Variants in PATJ observed in about 807,000 individuals in gnomAD.
The protein encoded by PATJ is inaD-like protein.
A neutral mutation model predicts 224.9 loss-of-function variants in PATJ; 190 were observed. The observed-to-expected ratio is 0.84, with a 90% CI of 0.75 to 0.95. The LOEUF is 0.95. Among genes scored for constraint, PATJ ranks in the 40% least tolerant of loss-of-function variants. The probability of loss-of-function intolerance (pLI) is 0.00; values close to 1 mark genes in which losing one functional copy is unlikely to be tolerated. For missense variants in PATJ, 2,121 were observed against 2,270.3 expected (o/e 0.93, Z 1.34); for synonymous variants, 769 against 820.3 (o/e 0.94, Z 1.07).
At chr1:62,043,653 A>G (rs758228793) in intron 30 of PATJ, among the ~76,000 whole-genome samples, 67 of 152,232 alleles carry the variant, frequency 4.4e-4, no homozygotes, top group Admixed American at 1.7e-3. Context: ...TTTTCCTTTT[A>G]AAAACTAAAT....
chr1:61,859,872 G>A (rs35722784), intron 18 of PATJ, among the ~76,000 whole-genome samples: 11,811 of 151,858 alleles, frequency 0.078, 548 homozygotes, highest in South Asian at 0.14. Context: ...CACCCGCCTC[G>A]GCCTCCCAAA....
chr1:61,808,682 A>G (rs1022853300), intron 14 of PATJ, 152 bp downstream of exon 14: 43 of 545,626 alleles, frequency 7.9e-5, no homozygotes, highest in Non-Finnish European at 9.8e-6. Flanking sequence ...GAGCCACTGA[A>G]CTCGGCCCAT....
Position 61,787,837 on chromosome 1 carries a change from A to C in PATJ, c.933A>C (p.Gln311His). 6.2e-7 allele frequency: 1 copy of C among 1,614,170 alleles called. No individual in the cohort carries two copies. The highest frequency in any genetic ancestry group is 8.5e-7 in the Non-Finnish European group (1 of 1,179,992). The change falls in exon 8 of 44, where the codon CAA (glutamine) becomes CAC (histidine). Residue 311 changes from glutamine to histidine, a missense_variant. Gln to His is a conservative substitution (Grantham distance 24). Coordinates refer to ENST00000642238, the MANE Select transcript of PATJ (RefSeq NM_001350145.3). ...GAATGACCAGTGAGCAAGTTGCACA[A>C]GTTCTAAGGAACTGTGGGAATTCAG... Reference protein sequence around the residue: ...VQGMTSEQVAQVLRNCGNSVR... With the variant: ...VQGMTSEQVAHVLRNCGNSVR...
At chr1:62,034,193 A>G (rs1208512416) in intron 29 of PATJ, among the ~76,000 whole-genome samples, 12 of 152,198 alleles carry the variant, frequency 7.9e-5, no homozygotes, top group Non-Finnish European at 1.6e-4. Context: ...CTGTAATCCC[A>G]GCACTTTGGG....
chr1:62,109,154 C>A (rs1663495382), intron 34 of PATJ, among the ~76,000 whole-genome samples: 1 of 150,480 alleles, frequency 6.6e-6, no homozygotes, highest in Admixed American at 6.6e-5. Context: ...CGATGCCAGG[C>A]GTTCTGGTAG....
intron 31 of PATJ, among the ~76,000 whole-genome samples, chr1:62,053,690 G>T (rs938376283): frequency 1.3e-5 from 2 of 151,514 alleles, no homozygotes; most frequent in African/African-American, 4.8e-5. Context: ...TTGCACTCTA[G>T]CCTGGGCAAG....
chr1:61,822,429 G>GA (rs11427840), intron 14 of PATJ, among the ~76,000 whole-genome samples: 2,913 of 116,588 alleles, frequency 0.025, 142 homozygotes, highest in African/African-American at 0.088. Context: ...GACTGTGTCA[G>GA]AAAAAAAAAA....
chr1:62,017,511 G>T (rs905005558), intron 28 of PATJ, among the ~76,000 whole-genome samples: 2 of 151,204 alleles, frequency 1.3e-5, no homozygotes, highest in African/African-American at 4.9e-5. Context: ...ATCACTTGTG[G>T]CCAAGAGTTT....
chr1:62,155,692 T>TAAA (rs34095874), intron 43 of PATJ, among the ~76,000 whole-genome samples: 120 of 140,640 alleles, frequency 8.5e-4, no homozygotes, highest in East Asian at 4.1e-3. Context: ...GCTCTGAATT[T>TAAA]AAAAAAAAAA....
chr1:61,844,765 C>CA (rs1661660016), intron 17 of PATJ, among the ~76,000 whole-genome samples: 1 of 151,972 alleles, frequency 6.6e-6, no homozygotes, highest in African/African-American at 2.4e-5. Flanking sequence ...ATGGTTTCCC[C>CA]CATGCTGTTC....
intron 31 of PATJ, among the ~76,000 whole-genome samples, chr1:62,077,710 G>A (rs796675653): frequency 2.3e-4 from 35 of 149,610 alleles, no homozygotes; most frequent in African/African-American, 8.6e-4. Flanking sequence ...AAAGAAGATG[G>A]TGATAGAAAA....
chr1:61,848,503 C>G (rs1225534810), intron 17 of PATJ, among the ~76,000 whole-genome samples: 1 of 152,118 alleles, frequency 6.6e-6, no homozygotes, highest in African/African-American at 2.4e-5. Flanking sequence ...TATAAAAGAA[C>G]CTTTCCTTTG....
In PATJ at chr1:62,026,351, T is replaced by C. The variant is rs142683076; in HGVS notation, c.3959+8404T>C. 6.1e-3 allele frequency among the ~76,000 whole-genome samples: 925 copies of C among 152,278 alleles called. 8 individuals are homozygous for C. The highest frequency in any genetic ancestry group is 0.021 in the African/African-American group (886 of 41,552). Reference sequence around the variant, plus strand: ...CATGTTCCAATTAATACAGGAAGTATAGAGATTACTTTTTACTATCCTGGA... The same window carrying C: ...CATGTTCCAATTAATACAGGAAGTACAGAGATTACTTTTTACTATCCTGGA... On this transcript the variant is annotated intron_variant, in intron 29 of 43. Transcript: ENST00000642238.
intron 27 of PATJ, among the ~76,000 whole-genome samples, chr1:61,980,621 A>G (rs1231996842): frequency 6.6e-6 from 1 of 152,056 alleles, no homozygotes; most frequent in Non-Finnish European, 1.5e-5. Flanking sequence ...AGTGAAATTG[A>G]AATTAGTAAA....
chr1:62,160,965 G>A lies in PATJ; in HGVS notation c.5560G>A (p.Gly1854Ser). 1 of 1,613,906 alleles carries A rather than the reference G, an allele frequency of 6.2e-7. No individual in the cohort carries two copies. Among genetic ancestry groups the A allele is most frequent in the Non-Finnish European group, 8.5e-7 (1 of 1,179,978 alleles). ...KRGDQILAVN[G>S]ETLEGVTHEQ... Reference sequence around the variant, plus strand: ...AGGGGATCAGATTTTAGCTGTTAATGGCGAGACCCTGGAAGGTGTTACTCA... The same window carrying A: ...AGGGGATCAGATTTTAGCTGTTAATAGCGAGACCCTGGAAGGTGTTACTCA... Residue 1854 changes from glycine (G) to serine (S), a missense_variant, in exon 44 of 44, where the codon GGC becomes AGC. By Grantham distance (56) the Gly-to-Ser change is moderately conservative. Coordinates refer to ENST00000642238, the MANE Select transcript of PATJ (RefSeq NM_001350145.3).
rs1664183622 is a variant in PATJ at position 62,114,146 on chromosome 1, G to A, written c.4555G>A (p.Asp1519Asn). 1 of 1,614,058 alleles carries A rather than the reference G, an allele frequency of 6.2e-7. No homozygotes were observed. Among genetic ancestry groups the A allele is most frequent in the Non-Finnish European group, 8.5e-7 (1 of 1,179,972 alleles). The change falls in exon 35 of 44, where the codon GAT becomes AAT. Residue 1519 changes from aspartate to asparagine, a missense_variant. Asp to Asn is a conservative substitution (Grantham distance 23). Transcript: ENST00000642238. ...GAAGGTGCGGCTGGTGGTGTATAGA[G>A]ATGAGGCACACTACCGGGATGAGGA... ...PQKVRLVVYRDEAHYRDEENL... is the reference protein window; with the variant it reads ...PQKVRLVVYRNEAHYRDEENL...
At chr1:61,943,621 G>A (rs942673300) in intron 27 of PATJ, among the ~76,000 whole-genome samples, 6 of 152,274 alleles carry the variant, frequency 3.9e-5, no homozygotes, top group Middle Eastern at 3.4e-3. Context: ...CGCAGCTCAA[G>A]GAGGCCTGCC....
At chr1:62,055,119 C>T (rs917533437) in intron 31 of PATJ, among the ~76,000 whole-genome samples, 1 of 152,046 alleles carries the variant, frequency 6.6e-6, no homozygotes, top group Non-Finnish European at 1.5e-5. Flanking sequence ...TGATCTTAAT[C>T]TTATCCCCAA....
At position 62,111,000 on chromosome 1, in the gene PATJ, G is replaced by A. The variant is rs545822901; in HGVS notation, c.4461+2480G>A. ...CCATGATATTTCTCTCATGATTATC[G>A]GCACATTTCGTGGTATCTCCTGATT... On this transcript the variant is annotated intron_variant, in intron 34 of 43. Coordinates refer to ENST00000642238, the MANE Select transcript of PATJ (RefSeq NM_001350145.3). 1.4e-4 allele frequency among the ~76,000 whole-genome samples: 21 copies of A among 152,212 alleles called. No individual in the cohort carries two copies. The South Asian group carries it at 4.1e-3, about 30-fold the overall frequency.
Sources: allele counts gnomAD v4.1 joint callset (sites outside exome capture counted in the v4.1 genomes callset), GRCh38; gene constraint gnomAD v4.1.1; transcripts MANE v1.5; gene names NCBI Gene and HGNC (gene_info 2026-07-23, HGNC 2026-07-21).